GRIA1: variants seen among roughly 807,000 people sequenced by gnomAD.
GRIA1 encodes the protein glutamate ionotropic receptor AMPA type subunit 1.
Under a neutral mutation model 99.2 loss-of-function variants are expected in GRIA1, and 31 were observed. The ratio of observed to expected loss-of-function variants is 0.31; its 90% CI spans 0.23 to 0.42. The LOEUF (loss-of-function observed/expected upper bound fraction) is 0.42. GRIA1 is among the 10% of genes least tolerant of loss of function. The pLI, the probability that GRIA1 is intolerant of heterozygous loss-of-function variation, is 1.00. For missense variants in GRIA1, 782 were observed against 1,157.5 expected (o/e 0.68, Z 4.71); for synonymous variants, 438 against 432.4 (o/e 1.01, Z -0.16).
chr5:153,567,671 G>A (rs372433871), intron 2 of GRIA1, among the ~76,000 whole-genome samples: 27 of 152,328 alleles, frequency 1.8e-4, no homozygotes, highest in African/African-American at 6.5e-4. Context: ...GCATCTCCGA[G>A]TGATGACCTG....
At chr5:153,635,307 C>T (rs1753269664) in intron 2 of GRIA1, among the ~76,000 whole-genome samples, 1 of 152,174 alleles carries the variant, frequency 6.6e-6, no homozygotes, top group African/African-American at 2.4e-5. Flanking sequence ...CATTCGTGAA[C>T]CAGCAGAAGG....
intron 5 of GRIA1, among the ~76,000 whole-genome samples, chr5:153,670,912 G>C (rs1248270603): frequency 1.3e-5 from 2 of 152,148 alleles, no homozygotes; most frequent in Non-Finnish European, 2.9e-5. Context: ...GTGATTAAAA[G>C]CATTGTAGAG....
rs115069231 is a variant in GRIA1, at chr5:153,767,746, C to T, written c.2023-2422C>T. 6.0e-3 allele frequency among the ~76,000 whole-genome samples: 917 copies of T among 152,292 alleles called. 10 individuals are homozygous for T. The highest frequency in any genetic ancestry group is 0.021 in the African/African-American group (876 of 41,568). ...CAGCCCCAGCCCAGAGATGCTTAAT[C>T]CTCCATCGACAGTTTAATTAAGATG... On this transcript the variant is annotated intron_variant, in intron 12 of 15. Coordinates refer to ENST00000285900, the MANE Select transcript of GRIA1 (RefSeq NM_000827.4).
chr5:153,583,978 C>T lies in GRIA1; in HGVS notation c.221-62950C>T, dbSNP rs921479326. Among the ~76,000 whole-genome samples, 31 of 152,184 alleles carry T rather than the reference C, an allele frequency of 2.0e-4. 1 individual carries two copies. Among genetic ancestry groups the T allele is most frequent in the Non-Finnish European group, 5.9e-5 (4 of 68,036 alleles). ...GCTCTCACTGGTCTCCAAGGACCAG[C>T]ATTTAAGTGAATATTTCCAGTGGTC... is the stretch of plus-strand genomic sequence containing the variant. On this transcript the variant is annotated intron_variant, in intron 2 of 15. Transcript: ENST00000285900.
At chr5:153,669,504 C>A (rs973753761) in intron 5 of GRIA1, among the ~76,000 whole-genome samples, 5 of 152,168 alleles carry the variant, frequency 3.3e-5, no homozygotes, top group African/African-American at 7.2e-5. Flanking sequence ...AATGCAACAA[C>A]TTCTCTCCCC....
At chr5:153,512,341 A>C (rs1756174338) in intron 2 of GRIA1, among the ~76,000 whole-genome samples, 1 of 152,198 alleles carries the variant, frequency 6.6e-6, no homozygotes, top group Non-Finnish European at 1.5e-5. Context: ...GAGCATGTTC[A>C]GGTGGTTGAG....
intron 13 of GRIA1, among the ~76,000 whole-genome samples, chr5:153,780,831 G>A (rs551367741): frequency 6.6e-6 from 1 of 152,184 alleles, no homozygotes; most frequent in East Asian, 1.9e-4. Flanking sequence ...ACCCAAATTA[G>A]TGGCAATTAC....
At chr5:153,509,996 A>C (rs1755906461) in intron 2 of GRIA1, among the ~76,000 whole-genome samples, 1 of 152,200 alleles carries the variant, frequency 6.6e-6, no homozygotes, top group Non-Finnish European at 1.5e-5. Context: ...CTAGATCTAA[A>C]GTCTCTTTGA....
rs1360430283 is a variant in GRIA1 at position 153,812,430 on chromosome 5, G to A, written c.*1205G>A. The A allele has an allele frequency of 6.6e-6, 1 of 152,168 alleles. No individual in the cohort carries two copies. The allele number at this position is 152,168 out of a possible 1,614,324, so 9.4% of individuals were successfully genotyped here. ...AAGTTTATGCTGATGCAAAGAACTT[G>A]GGTTTTTATGTTAATATAAAGTGTT... On this transcript the variant is annotated 3_prime_UTR_variant, in exon 16 of 16. Transcript: ENST00000285900.
intron 13 of GRIA1, among the ~76,000 whole-genome samples, chr5:153,777,046 C>G (rs1764302174): frequency 6.6e-6 from 1 of 152,176 alleles, no homozygotes; most frequent in Non-Finnish European, 1.5e-5. Context: ...GTCGATTGCT[C>G]TAAAGAGCCC....
intron 2 of GRIA1, among the ~76,000 whole-genome samples, chr5:153,540,532 A>G (rs923870274): frequency 6.6e-6 from 1 of 152,182 alleles, no homozygotes; most frequent in Non-Finnish European, 1.5e-5. Context: ...ATGGTTGGCC[A>G]ACTGGTTCAT....
chr5:153,599,434 G>T (rs12055179), intron 2 of GRIA1, among the ~76,000 whole-genome samples: 1,403 of 10,900 alleles, frequency 0.13, 21 homozygotes, highest in South Asian at 0.43. Context: ...TTTGGTACCA[G>T]GACTCCTACA....
chr5:153,583,794 C>T (rs1763241948), intron 2 of GRIA1, among the ~76,000 whole-genome samples: 2 of 152,138 alleles, frequency 1.3e-5, no homozygotes, highest in South Asian at 4.1e-4. Context: ...TATACACATG[C>T]CCTTCACTGA....
At chr5:153,766,971 G>A (rs1763561463) in intron 12 of GRIA1, among the ~76,000 whole-genome samples, 1 of 152,180 alleles carries the variant, frequency 6.6e-6, no homozygotes, top group Non-Finnish European at 1.5e-5. Context: ...CAAATTGGTT[G>A]TAGTCCATGT....
chr5:153,701,773 C>T (rs1758551226), intron 10 of GRIA1, among the ~76,000 whole-genome samples: 1 of 152,030 alleles, frequency 6.6e-6, no homozygotes, highest in Non-Finnish European at 1.5e-5. Flanking sequence ...CCACCAACCA[C>T]CAGAGATCAA....
chr5:153,587,215 A>G (rs1045282035), intron 2 of GRIA1, among the ~76,000 whole-genome samples: 5 of 151,886 alleles, frequency 3.3e-5, no homozygotes, highest in African/African-American at 1.2e-4. Context: ...ATAGGGACTG[A>G]CTTCTCATAA....
chr5:153,649,320 A>T (rs1390508323), intron 3 of GRIA1, among the ~76,000 whole-genome samples: 1 of 152,206 alleles, frequency 6.6e-6, no homozygotes, highest in Non-Finnish European at 1.5e-5. Context: ...GCAGTAGGAA[A>T]CTAATACACC....
chr5:153,644,614 A>G (rs1374055356), intron 2 of GRIA1, among the ~76,000 whole-genome samples: 1 of 152,192 alleles, frequency 6.6e-6, no homozygotes, highest in African/African-American at 2.4e-5. Flanking sequence ...CATATATACA[A>G]ATAAACAAAG....
chr5:153,619,076 A>C (rs1240970270), intron 2 of GRIA1, among the ~76,000 whole-genome samples: 1 of 152,218 alleles, frequency 6.6e-6, no homozygotes, highest in African/African-American at 2.4e-5. Flanking sequence ...TCATGACCTC[A>C]CTTAGGTCAG....
Sources: allele counts gnomAD v4.1 joint callset (sites outside exome capture counted in the v4.1 genomes callset), GRCh38; gene constraint gnomAD v4.1.1; transcripts MANE v1.5; gene names NCBI Gene and HGNC (gene_info 2026-07-23, HGNC 2026-07-21).